Variants in SEM1 observed in about 807,000 individuals in gnomAD.
SEM1 encodes 26S proteasome complex subunit SEM1.
A neutral mutation model predicts 12.7 loss-of-function variants in SEM1; 3 were observed. The observed-to-expected ratio is 0.24, with a 90% CI of 0.11 to 0.61. SEM1 has a LOEUF of 0.61. SEM1 is among the 20% of genes least tolerant of loss of function. The pLI is 0.88. For synonymous variants in SEM1, 30 were observed against 27.8 expected, an observed-to-expected ratio of 1.08 and a Z score of -0.25; for missense variants, 59 against 81.3, an observed-to-expected ratio of 0.73 and a Z score of 1.06.
intron 2 of SEM1, among the ~76,000 whole-genome samples, chr7:96,617,550 T>G (rs1807757591): frequency 6.6e-6 from 1 of 152,192 alleles, no homozygotes; most frequent in South Asian, 2.1e-4. Context: ...GCCTGATTGC[T>G]CTGGTGAGGA....
intron 2 of SEM1, among the ~76,000 whole-genome samples, chr7:96,615,786 C>T (rs977045587): frequency 6.6e-6 from 1 of 152,186 alleles, no homozygotes; most frequent in Admixed American, 6.5e-5. Context: ...TCTATTACTC[C>T]ATGCTGTATG....
chr7:96,674,693 T>C (rs761591928), intron 2 of SEM1, among the ~76,000 whole-genome samples: 4 of 151,958 alleles, frequency 2.6e-5, no homozygotes, highest in Admixed American at 2.0e-4. Context: ...AAAGTATACA[T>C]ACAATGCATA....
At chr7:96,520,540 A>G (rs1804235932) in intron 2 of SEM1, among the ~76,000 whole-genome samples, 2 of 152,134 alleles carry the variant, frequency 1.3e-5, no homozygotes. Context: ...TTTCAAGACC[A>G]AAGTAACCTC....
chr7:96,631,003 A>G (rs1808242225), intron 2 of SEM1, among the ~76,000 whole-genome samples: 1 of 152,190 alleles, frequency 6.6e-6, no homozygotes, highest in African/African-American at 2.4e-5. Context: ...GAGCTTATCC[A>G]AGATGCAAAA....
At chr7:96,523,295 A>T (rs1364396525) in intron 2 of SEM1, among the ~76,000 whole-genome samples, 2 of 152,102 alleles carry the variant, frequency 1.3e-5, no homozygotes, top group African/African-American at 2.4e-5. Context: ...CTTTCAAAGG[A>T]CTTCCAGTCT....
rs1300267801 is a variant in SEM1, at chr7:96,688,971, G to A, written c.171-5C>T. The A allele has an allele frequency of 1.9e-6, 3 of 1,550,694 alleles. No individual in the cohort carries two copies. The South Asian group carries it at 3.4e-5, about 17-fold the overall frequency. On this transcript the variant is annotated splice_region_variant and splice_polypyrimidine_tract_variant and intron_variant, in intron 2 of 2. Coordinates refer to ENST00000248566, the MANE Select transcript of SEM1 (RefSeq NM_006304.2). Reference sequence around the variant, plus strand: ...CCATGTTTCTCTAGTTCAGCTCTAAGATAAAACAGAAAGAACATCACTAGG... The same window carrying A: ...CCATGTTTCTCTAGTTCAGCTCTAAAATAAAACAGAAAGAACATCACTAGG...
intron 2 of SEM1, among the ~76,000 whole-genome samples, chr7:96,681,865 C>T (rs1789623074): frequency 6.6e-6 from 1 of 152,034 alleles, no homozygotes; most frequent in Admixed American, 6.6e-5. Context: ...CTTGGCTATG[C>T]AGGCTCTTTT....
intron 2 of SEM1, among the ~76,000 whole-genome samples, chr7:96,607,783 A>G (rs562978172): frequency 1.8e-4 from 27 of 152,086 alleles, no homozygotes; most frequent in African/African-American, 6.0e-4. Flanking sequence ...TTCCTTTCCA[A>G]TGGGATTTTT....
chr7:96,541,720 G>A (rs1038206074), intron 2 of SEM1, among the ~76,000 whole-genome samples: 5 of 151,364 alleles, frequency 3.3e-5, no homozygotes, highest in African/African-American at 4.8e-5. Context: ...AATTCTTATC[G>A]TTTGAAGTTT....
chr7:96,584,738 C>A (rs537836284), intron 2 of SEM1, among the ~76,000 whole-genome samples: 41 of 152,168 alleles, frequency 2.7e-4, no homozygotes, highest in African/African-American at 9.9e-4. Flanking sequence ...TCGGTGATAC[C>A]CTTTCTTCCA....
chr7:96,684,857 G>C (rs1158723746), downstream of SEM1, among the ~76,000 whole-genome samples: 1 of 152,056 alleles, frequency 6.6e-6, no homozygotes, highest in South Asian at 2.1e-4. Flanking sequence ...TGTGGAATTG[G>C]TTTAAAAGCA....
intron 2 of SEM1, among the ~76,000 whole-genome samples, chr7:96,683,102 G>A (rs1306182133): frequency 6.6e-6 from 1 of 152,022 alleles, no homozygotes; most frequent in African/African-American, 2.4e-5. Context: ...TTACACTGTT[G>A]GTGGGAATGT....
intron 2 of SEM1, among the ~76,000 whole-genome samples, chr7:96,581,010 T>C (rs1422502379): frequency 6.6e-6 from 1 of 152,232 alleles, no homozygotes; most frequent in Non-Finnish European, 1.5e-5. Flanking sequence ...TTTGTTGCCA[T>C]TGCTTTTGGT....
chr7:96,609,213 T>C (rs1807471640), intron 2 of SEM1, among the ~76,000 whole-genome samples: 1 of 152,198 alleles, frequency 6.6e-6, no homozygotes, highest in South Asian at 2.1e-4. Flanking sequence ...CCTGTGCCTA[T>C]TGAGCATTAG....
Position 96,640,208 on chromosome 7 carries a change from A to G in SEM1, c.171-17565T>C, listed in dbSNP as rs528411005. Among the ~76,000 whole-genome samples the G allele has an allele frequency of 1.7e-4, 26 of 152,112 alleles. No homozygotes were observed. Among genetic ancestry groups the G allele is most frequent in the African/African-American group, 5.8e-4 (24 of 41,548 alleles). On this transcript the variant is annotated intron_variant, in intron 2 of 2. Coordinates refer to the SEM1 transcript ENST00000417009. The surrounding 1 kb of genome is among the most constrained non-coding windows in gnomAD (Gnocchi z 4.0). Reference sequence around the variant, plus strand: ...CATACTCTTACCATGGGATCCAGAAATTATATGCCTTGGTATTTACTCAAA... The same window carrying G: ...CATACTCTTACCATGGGATCCAGAAGTTATATGCCTTGGTATTTACTCAAA...
chr7:96,649,362 T>G (rs1277023462), intron 2 of SEM1: 3 of 152,164 alleles, frequency 2.0e-5, no homozygotes, highest in African/African-American at 7.2e-5. Flanking sequence ...AAAAAAATAT[T>G]CTGTGGTGAA....
chr7:96,676,921 T>C (rs887094166), intron 2 of SEM1, among the ~76,000 whole-genome samples: 8 of 152,238 alleles, frequency 5.3e-5, no homozygotes, highest in African/African-American at 1.9e-4. Context: ...CTTCCTTTCA[T>C]GTTACTTTAA....
chr7:96,672,015 C>T (rs541600596), downstream of SEM1, among the ~76,000 whole-genome samples: 2 of 152,314 alleles, frequency 1.3e-5, no homozygotes, highest in South Asian at 4.1e-4. Flanking sequence ...ATGACATGGC[C>T]TGTGCCTGCT....
chr7:96,541,521 G>A (rs1480362272), intron 2 of SEM1, among the ~76,000 whole-genome samples: 1 of 116,376 alleles, frequency 8.6e-6, no homozygotes, highest in Non-Finnish European at 1.7e-5. Context: ...TGTATTATTT[G>A]CAAATATTTT....
Sources: gnomAD v4.1 joint callset for allele counts (sites outside exome capture counted in the v4.1 genomes callset) on GRCh38, gnomAD v4.1.1 for gene constraint, Gnocchi (gnomAD v3.1) non-coding constraint, MANE v1.5 for transcripts, NCBI Gene and HGNC (gene_info 2026-07-23, HGNC 2026-07-21) for gene names.